ABCA3: variants seen among roughly 807,000 people sequenced by gnomAD.
ABCA3 encodes the protein phospholipid-transporting ATPase ABCA3.
A neutral mutation model predicts 172.8 loss-of-function variants in ABCA3; 88 were observed. The ratio of observed to expected loss-of-function variants is 0.51; its 90% CI spans 0.43 to 0.61. The LOEUF (loss-of-function observed/expected upper bound fraction) is 0.61, where lower values mean the gene tolerates loss of function less well. Ranked by LOEUF, ABCA3 falls within the 20% of genes least tolerant of loss-of-function variation. ABCA3 has a pLI of 0.00. For missense variants in ABCA3, 2,164 were observed against 2,301.0 expected (o/e 0.94, Z 1.22); for synonymous variants, 1,066 against 983.8 (o/e 1.08, Z -1.56).
chr16:2,277,984 T>A lies in ABCA3; in HGVS notation c.4804A>T (p.Lys1602Ter). The change falls in exon 31 of 33, where the codon AAG (lysine) becomes TAG (stop). Residue 1602 changes from lysine to a stop codon, truncating the protein, a stop_gained. Transcript: ENST00000301732. LOFTEE classifies it high-confidence loss of function. The surrounding 1 kb of genome is among the most constrained non-coding windows in gnomAD (Gnocchi z 5.3). The part of the protein sequence containing the change: ...FKCLGSPQHL[K>*]SKFGSGYSLR... ...GAGTAGCCGCTGCCGAACTTGCTCT[T>A]GAGGTGCTGGGGGCTGCCCAGGCAC... The A allele has an allele frequency of 1.2e-6, 2 of 1,613,232 alleles. No individual in the cohort carries two copies. Among genetic ancestry groups the A allele is most frequent in the Non-Finnish European group, 1.7e-6 (2 of 1,180,010 alleles).
intron 1 of ABCA3, among the ~76,000 whole-genome samples, chr16:2,333,833 C>T (rs367811521): frequency 5.6e-4 from 85 of 152,042 alleles, no homozygotes; most frequent in Admixed American, 2.6e-3. Flanking sequence ...GGATTACAGG[C>T]GTGCGCCACC....
At chr16:2,331,722 C>A (rs561393880) in intron 1 of ABCA3, among the ~76,000 whole-genome samples, 1 of 152,228 alleles carries the variant, frequency 6.6e-6, no homozygotes, top group Non-Finnish European at 1.5e-5. Context: ...GACGCCGAGG[C>A]GGCAGAGTCT....
At chr16:2,318,753 T>TC (rs2093720730) in intron 8 of ABCA3, among the ~76,000 whole-genome samples, 1 of 152,084 alleles carries the variant, frequency 6.6e-6, no homozygotes, top group African/African-American at 2.4e-5. Flanking sequence ...CCTCAAGTGA[T>TC]CCGCCCACCT....
At chr16:2,319,434 G>C in intron 8 of ABCA3, 147 bp downstream of exon 8, 1 of 1,141,960 alleles carries the variant, frequency 8.8e-7, no homozygotes, top group Non-Finnish European at 1.2e-6. Context: ...GCAGTGAGCC[G>C]AGATCGCACC....
chr16:2,316,836 A>G (rs1487370427), intron 10 of ABCA3, among the ~76,000 whole-genome samples: 2 of 152,178 alleles, frequency 1.3e-5, no homozygotes, highest in African/African-American at 4.8e-5. Flanking sequence ...CTAAAAAAAG[A>G]GAAACACAAC....
chr16:2,318,868 T>A (rs1217886943), intron 8 of ABCA3, among the ~76,000 whole-genome samples: 4 of 152,234 alleles, frequency 2.6e-5, no homozygotes, highest in Middle Eastern at 6.8e-3. Context: ...AGGAGCACAA[T>A]GGTCTCTCAC....
chr16:2,328,087 T>C (rs1020306146), intron 3 of ABCA3, among the ~76,000 whole-genome samples: 4 of 151,936 alleles, frequency 2.6e-5, no homozygotes, highest in Admixed American at 6.6e-5. Flanking sequence ...CTATATTATA[T>C]AGGAACATGA....
intron 11 of ABCA3, among the ~76,000 whole-genome samples, chr16:2,306,378 C>G (rs1039020499): frequency 3.6e-4 from 55 of 152,294 alleles, no homozygotes; most frequent in African/African-American, 1.2e-3. Context: ...ATTTTATCAA[C>G]ACACGAGTAA....
rs79945458 is a variant in ABCA3, at chr16:2,303,898, C to G, written c.1467+71G>C. 4,718 of 1,556,088 alleles carry G rather than the reference C, an allele frequency of 3.0e-3. 82 individuals are homozygous for G. The East Asian group carries it at 0.05, about 16-fold the overall frequency. Reference sequence around the variant, plus strand: ...TGCATGCTGGGGACTCAGAGGGGTCCCTGAGCAGGTACTGGGGACACCTCT... The same window carrying G: ...TGCATGCTGGGGACTCAGAGGGGTCGCTGAGCAGGTACTGGGGACACCTCT... On this transcript the variant is annotated intron_variant, in intron 12 of 32. Transcript: ENST00000301732.
chr16:2,310,937 C>T (rs914481045), intron 10 of ABCA3, among the ~76,000 whole-genome samples: 2 of 152,040 alleles, frequency 1.3e-5, no homozygotes, highest in Admixed American at 6.6e-5. Context: ...CAGCTCGGTC[C>T]TCATATCTGC....
intron 18 of ABCA3, among the ~76,000 whole-genome samples, chr16:2,295,243 A>C: frequency 6.6e-6 from 1 of 151,946 alleles, no homozygotes; most frequent in Non-Finnish European, 1.5e-5. Flanking sequence ...ACAAATACAG[A>C]CTCGGTTTCA....
At chr16:2,340,185 G>C (rs2093758409) in intron 1 of ABCA3, among the ~76,000 whole-genome samples, 2 of 152,290 alleles carry the variant, frequency 1.3e-5, no homozygotes, top group Non-Finnish European at 2.9e-5. Context: ...GCATCCCTCG[G>C]GGCCGGGGCT....
Position 2,283,365 on chromosome 16 carries a change from G to A in ABCA3, c.3863-7C>T, listed in dbSNP as rs764332513. 6.2e-7 allele frequency: 1 copy of A among 1,611,954 alleles called. No individual in the cohort carries two copies. The highest frequency in any genetic ancestry group is 8.5e-7 in the Non-Finnish European group (1 of 1,179,492). On this transcript the variant is annotated splice_region_variant and splice_polypyrimidine_tract_variant and intron_variant, in intron 25 of 32. Transcript: ENST00000301732. This position sits in a 1 kb window ranked among gnomAD's most constrained non-coding sequence, Gnocchi z 5.4. Reference sequence around the variant, plus strand: ...TTCTCCTGGTACTGGATGTCTGTGGGGCGAGGGAGTCACTGTGCCCCGAGG... The same window carrying A: ...TTCTCCTGGTACTGGATGTCTGTGGAGCGAGGGAGTCACTGTGCCCCGAGG...
At chr16:2,280,522 G>A (rs56690590) in intron 28 of ABCA3, among the ~76,000 whole-genome samples, 1,709 of 152,140 alleles carry the variant, frequency 0.011, 35 homozygotes, top group African/African-American at 0.039. Flanking sequence ...AGGACTCCGC[G>A]GCCACTTCTC....
At chr16:2,304,876 T>C (rs1363274334) in intron 11 of ABCA3, among the ~76,000 whole-genome samples, 8 of 152,058 alleles carry the variant, frequency 5.3e-5, no homozygotes, top group Admixed American at 1.3e-4. Flanking sequence ...GGGGTTTCAC[T>C]GTGTTAGCCA....
chr16:2,313,616 A>G (rs2093710137), intron 10 of ABCA3, among the ~76,000 whole-genome samples: 1 of 149,574 alleles, frequency 6.7e-6, no homozygotes, highest in South Asian at 2.1e-4. Flanking sequence ...AAAAAAAGAA[A>G]TTAAGAGGCC....
chr16:2,339,897 ACACAGG>A, intron 1 of ABCA3, among the ~76,000 whole-genome samples: 1 of 152,362 alleles, frequency 6.6e-6, no homozygotes, highest in East Asian at 1.9e-4. Context: ...GACGCGATGC[ACACAGG>A]CGTCCTGACC....
intron 12 of ABCA3, 140 bp from the exon 13 acceptor site, chr16:2,300,288 G>A (rs754570117): frequency 1.6e-6 from 2 of 1,254,512 alleles, no homozygotes; most frequent in Non-Finnish European, 2.3e-6. Flanking sequence ...GCGCTACTCA[G>A]GGAGAGCCCC....
rs779052283 is a variant in ABCA3 at position 2,277,852 on chromosome 16, G to A, written c.4909+27C>T. On this transcript the variant is annotated intron_variant, in intron 31 of 32. Transcript: ENST00000301732. The surrounding 1 kb of genome is among the most constrained non-coding windows in gnomAD (Gnocchi z 5.3). ...TAGGTAGGGGCCCAGGGCCCACCCA[G>A]TGGGGGCTGCCGGGGCCGGCACACA... The A allele has an allele frequency of 8.1e-6, 13 of 1,607,736 alleles. No homozygotes were observed. In the East Asian group the frequency reaches 2.9e-4, roughly 36 times the overall value.
Sources: allele counts gnomAD v4.1 joint callset (sites outside exome capture counted in the v4.1 genomes callset), GRCh38; gene constraint gnomAD v4.1.1; non-coding constraint Gnocchi (gnomAD v3.1); transcripts MANE v1.5; gene names NCBI Gene and HGNC (gene_info 2026-07-23, HGNC 2026-07-21).